CGRRF1: variants seen among roughly 807,000 people sequenced by gnomAD.
CGRRF1 encodes cell growth regulator with RING finger domain protein 1.
CGRRF1 carries 32 observed loss-of-function variants against 37.2 expected under a neutral mutation model. The ratio of observed to expected loss-of-function variants is 0.86; its 90% CI spans 0.65 to 1.16. The LOEUF is 1.16. Among genes scored for constraint, CGRRF1 ranks in the 50% most tolerant of loss-of-function variants. The pLI is 0.00. For synonymous variants in CGRRF1, 141 were observed against 140.3 expected (o/e 1.00, Z -0.04); for missense variants, 391 against 382.6 (o/e 1.02, Z -0.18).
chr14:54,528,203 ATTC>A (rs1317102421), intron 2 of CGRRF1, among the ~76,000 whole-genome samples: 4 of 142,434 alleles, frequency 2.8e-5, no homozygotes, highest in Non-Finnish European at 6.1e-5. Flanking sequence ...ATATACCTCA[ATTC>A]TTTTTTTTTT....
intron 1 of CGRRF1, among the ~76,000 whole-genome samples, chr14:54,514,131 A>G (rs911037435): frequency 3.3e-5 from 5 of 152,186 alleles, no homozygotes; most frequent in Non-Finnish European, 5.9e-5. Flanking sequence ...AGCTACCTCT[A>G]TTATCTTGTC....
At chr14:54,515,640 A>G (rs2032202782) in intron 1 of CGRRF1, among the ~76,000 whole-genome samples, 1 of 152,208 alleles carries the variant, frequency 6.6e-6, no homozygotes, top group Non-Finnish European at 1.5e-5. Flanking sequence ...TGCATGATGA[A>G]TTGACCCTTA....
Position 54,532,762 on chromosome 14 carries a change from G to GA in CGRRF1, c.570+1715dup, listed in dbSNP as rs566222837. On this transcript the variant is annotated intron_variant, in intron 4 of 5. Coordinates refer to ENST00000216420, the MANE Select transcript of CGRRF1 (RefSeq NM_006568.3). Reference sequence around the variant, plus strand: ...AATGAGCCTCATAGAGCTTGACAGCGAAACACCTTAGCTGTACATCCCATG... The same window carrying GA: ...AATGAGCCTCATAGAGCTTGACAGCGAAAACACCTTAGCTGTACATCCCATG... 1.6e-3 allele frequency among the ~76,000 whole-genome samples: 247 copies of GA among 150,996 alleles called. 2 individuals are homozygous for GA. The highest frequency in any genetic ancestry group is 5.5e-3 in the African/African-American group (227 of 41,164).
intron 1 of CGRRF1, 96 bp downstream of exon 1, chr14:54,510,159 C>A: frequency 1.2e-6 from 1 of 848,740 alleles, no homozygotes. Context: ...GGCCGCGGGC[C>A]GGAGGACGTC....
chr14:54,537,554 T>C, intron 4 of CGRRF1, 168 bp from the exon 5 acceptor site: 1 of 622,752 alleles, frequency 1.6e-6, no homozygotes, highest in Non-Finnish European at 2.3e-6. Context: ...TATGATTTAA[T>C]CAGATTGACG....
At chr14:54,528,104 A>G (rs530806228) in intron 2 of CGRRF1, among the ~76,000 whole-genome samples, 1 of 151,988 alleles carries the variant, frequency 6.6e-6, no homozygotes, top group African/African-American at 2.4e-5. Context: ...AAACAGTAGC[A>G]TATATATTTA....
At chr14:54,529,205 A>G (rs955210692) in intron 2 of CGRRF1, among the ~76,000 whole-genome samples, 2 of 152,168 alleles carry the variant, frequency 1.3e-5, no homozygotes, top group South Asian at 2.1e-4. Context: ...TTGCGCTGCT[A>G]CAGTTTGCAC....
At chr14:54,523,540 T>C (rs528924146) in intron 2 of CGRRF1, among the ~76,000 whole-genome samples, 230 of 149,900 alleles carry the variant, frequency 1.5e-3, no homozygotes, top group Middle Eastern at 3.4e-3. Flanking sequence ...TATTCCTTCC[T>C]CCTTTTTTTT....
At chr14:54,512,214 C>CG (rs773764542) in intron 1 of CGRRF1, among the ~76,000 whole-genome samples, 15 of 152,202 alleles carry the variant, frequency 9.9e-5, no homozygotes, top group Non-Finnish European at 2.2e-4. Flanking sequence ...TGGTACTTCT[C>CG]TGAGTTTTTC....
intron 4 of CGRRF1, among the ~76,000 whole-genome samples, chr14:54,534,759 G>A (rs1294417641): frequency 6.6e-6 from 1 of 152,150 alleles, no homozygotes; most frequent in East Asian, 1.9e-4. Flanking sequence ...TCTATCACCA[G>A]GCTGGAATAT....
chr14:54,514,270 TGAG>T (rs746736881), intron 1 of CGRRF1, among the ~76,000 whole-genome samples: 38 of 152,164 alleles, frequency 2.5e-4, no homozygotes, highest in Non-Finnish European at 4.0e-4. Flanking sequence ...GGAATATATG[TGAG>T]GATGGATTGT....
chr14:54,516,071 T>C (rs1009477782), intron 1 of CGRRF1, among the ~76,000 whole-genome samples: 2 of 152,198 alleles, frequency 1.3e-5, no homozygotes, highest in African/African-American at 4.8e-5. Context: ...ATTAGTTAAA[T>C]AATTTATGTG....
At position 54,538,969 on chromosome 14, in the gene CGRRF1, C is replaced by G. The variant is rs1594660141; in HGVS notation, c.*586C>G. Reference sequence around the variant, plus strand: ...TAAATCATAAATACAAGATATAATTCTTGACTGTTCTCCGTGTATTATAAA... The same window carrying G: ...TAAATCATAAATACAAGATATAATTGTTGACTGTTCTCCGTGTATTATAAA... On this transcript the variant is annotated 3_prime_UTR_variant, in exon 6 of 6. Coordinates refer to ENST00000216420, the MANE Select transcript of CGRRF1 (RefSeq NM_006568.3). 1 of 152,206 alleles carries G rather than the reference C, an allele frequency of 6.6e-6. No homozygotes were observed. Among genetic ancestry groups the G allele is most frequent in the Non-Finnish European group, 1.5e-5 (1 of 68,078 alleles). The allele number at this position is 152,206 out of a possible 1,614,324, so 9.4% of individuals were successfully genotyped here. A position where few individuals can be genotyped will look rare whatever the true frequency, so the allele number is the denominator to read the frequency against.
chr14:54,518,415 T>C (rs1215422260), intron 1 of CGRRF1, among the ~76,000 whole-genome samples: 1 of 151,924 alleles, frequency 6.6e-6, no homozygotes, highest in Non-Finnish European at 1.5e-5. Context: ...CCAGGCGTGG[T>C]GGTGCATGCC....
intron 3 of CGRRF1, chr14:54,530,511 T>C: frequency 7.7e-7 from 1 of 1,301,692 alleles, no homozygotes; most frequent in Non-Finnish European, 1.0e-6. Flanking sequence ...GCATGTTTAT[T>C]GCTTCAGAAT....
chr14:54,521,720 T>G (rs2032320233), intron 1 of CGRRF1, among the ~76,000 whole-genome samples: 1 of 152,026 alleles, frequency 6.6e-6, no homozygotes, highest in South Asian at 2.1e-4. Flanking sequence ...TTGGCCAGGC[T>G]GGTCTCGAAC....
intron 1 of CGRRF1, among the ~76,000 whole-genome samples, chr14:54,518,701 A>T (rs567605975): frequency 2.4e-4 from 37 of 152,118 alleles, no homozygotes; most frequent in Non-Finnish European, 4.0e-4. Flanking sequence ...ATGATCAGTG[A>T]TGTTGAGCTG....
At chr14:54,536,944 A>G (rs1467144855) in intron 4 of CGRRF1, 1 of 151,998 alleles carries the variant, frequency 6.6e-6, no homozygotes, top group Non-Finnish European at 1.5e-5. Context: ...TTCTTCTAGT[A>G]CTTGTACAGT....
intron 2 of CGRRF1, among the ~76,000 whole-genome samples, chr14:54,527,348 T>C (rs895663043): frequency 2.0e-5 from 3 of 152,174 alleles, no homozygotes; most frequent in Non-Finnish European, 4.4e-5. Context: ...ATTATAGAGA[T>C]ATACCTAATG....
Sources: allele counts gnomAD v4.1 joint callset (sites outside exome capture counted in the v4.1 genomes callset), GRCh38; gene constraint gnomAD v4.1.1; transcripts MANE v1.5; gene names NCBI Gene and HGNC (gene_info 2026-07-23, HGNC 2026-07-21).